PDE10A: variants seen among roughly 807,000 people sequenced by gnomAD.
PDE10A encodes cAMP and cAMP-inhibited cGMP 3',5'-cyclic phosphodiesterase 10A.
In PDE10A, 39 loss-of-function variants were observed where a neutral mutation model predicts 97.7. That is an observed-to-expected ratio of 0.40 (90% confidence interval 0.31 to 0.52). PDE10A has a LOEUF of 0.52. Among genes scored for constraint, PDE10A ranks in the 20% least tolerant of loss-of-function variants. The pLI is 0.56. For missense variants in PDE10A, 731 were observed against 1,047.8 expected (o/e 0.70, Z 4.17); for synonymous variants, 371 against 376.8 (o/e 0.98, Z 0.18).
chr6:165,386,432 G>A (rs1785305880), intron 17 of PDE10A, among the ~76,000 whole-genome samples: 1 of 152,186 alleles, frequency 6.6e-6, no homozygotes, highest in Non-Finnish European at 1.5e-5. Context: ...TAAACTGCTA[G>A]CAATGTTGTA....
intron 1 of PDE10A, among the ~76,000 whole-genome samples, chr6:165,625,584 T>A (rs144424763): frequency 1.7e-3 from 254 of 152,342 alleles, no homozygotes; most frequent in African/African-American, 5.9e-3. Context: ...AATTCCCACC[T>A]GTCATGGGAG....
chr6:165,801,893 G>A (rs544258047), intron 1 of PDE10A, among the ~76,000 whole-genome samples: 36 of 152,294 alleles, frequency 2.4e-4, no homozygotes, highest in Admixed American at 2.2e-3. Context: ...GCTCCCACAG[G>A]AGACCCATTA....
At chr6:165,597,445 G>A (rs1334677985) in intron 1 of PDE10A, among the ~76,000 whole-genome samples, 2 of 152,190 alleles carry the variant, frequency 1.3e-5, no homozygotes, top group South Asian at 2.1e-4. Flanking sequence ...GTCTTTGGCT[G>A]TATTTACACC....
intron 1 of PDE10A, among the ~76,000 whole-genome samples, chr6:165,645,574 C>T (rs1418674163): frequency 1.3e-5 from 2 of 152,138 alleles, no homozygotes; most frequent in African/African-American, 2.4e-5. Flanking sequence ...TACTTCCTGG[C>T]TGGGCGCGGT....
Position 165,356,087 on chromosome 6 carries a change from C to A in PDE10A, c.2784-12585G>T, listed in dbSNP as rs559938735. 5.3e-5 allele frequency among the ~76,000 whole-genome samples: 8 copies of A among 152,164 alleles called. No individual in the cohort carries two copies. The East Asian group carries it at 1.6e-3, about 30-fold the overall frequency. On this transcript the variant is annotated intron_variant, in intron 18 of 21. Coordinates refer to ENST00000539869, the MANE Select transcript of PDE10A (RefSeq NM_001385079.1). ...GAGGTGCCACACACTTTCAAACAACCAGATCTGGGTGAGAATTCATTCACT... is the reference window on the plus strand; with the variant it reads ...GAGGTGCCACACACTTTCAAACAACAAGATCTGGGTGAGAATTCATTCACT...
At chr6:165,735,054 A>T (rs1792536595) in intron 1 of PDE10A, among the ~76,000 whole-genome samples, 1 of 151,684 alleles carries the variant, frequency 6.6e-6, no homozygotes, top group Admixed American at 6.6e-5. Context: ...ATAGGGAGGT[A>T]GACAGATAGG....
chr6:165,823,524 A>ATATATATATATATATATATG lies in PDE10A; in HGVS notation c.-615+164004_-615+164005insCATATATATATATATATATA, dbSNP rs72442429. ...TATATATATATATATATATATATAT[A>ATATATATATATATATATATG]TGAACCTTAATTATAAATATTATAT... is the stretch of plus-strand genomic sequence containing the variant. On this transcript the variant is annotated intron_variant, in intron 1 of 19. Coordinates refer to the PDE10A transcript ENST00000366882. 2.0e-3 allele frequency among the ~76,000 whole-genome samples: 159 copies of ATATATATATATATATATATG among 79,458 alleles called. 19 individuals are homozygous for ATATATATATATATATATATG. The highest frequency in any genetic ancestry group is 3.0e-3 in the Non-Finnish European group (107 of 36,116). 52.1% of individuals were successfully genotyped at this position (79,458 alleles called of 152,430 possible). A position where few individuals can be genotyped will look rare whatever the true frequency, so the allele number is the denominator to read the frequency against.
At chr6:165,351,431 TA>T (rs1008033395) in intron 18 of PDE10A, among the ~76,000 whole-genome samples, 1 of 152,050 alleles carries the variant, frequency 6.6e-6, no homozygotes, top group African/African-American at 2.4e-5. Flanking sequence ...TGAAATTTTT[TA>T]AAAAAAATTA....
intron 1 of PDE10A, among the ~76,000 whole-genome samples, chr6:165,973,428 TA>T (rs199580810): frequency 6.9e-6 from 1 of 144,908 alleles, no homozygotes; most frequent in African/African-American, 2.7e-5. Context: ...AAAAAAAAAA[TA>T]AAATAAAAAA....
intron 1 of PDE10A, chr6:165,660,600 G>T (rs2128431194): frequency 6.6e-6 from 1 of 152,624 alleles, no homozygotes; most frequent in South Asian, 2.1e-4. Context: ...GTGCCTGAGC[G>T]GGCGGTGAGC....
intron 18 of PDE10A, among the ~76,000 whole-genome samples, chr6:165,361,428 A>T (rs910181039): frequency 5.3e-5 from 8 of 152,248 alleles, no homozygotes; most frequent in African/African-American, 1.9e-4. Flanking sequence ...ATTTAAAAAC[A>T]TATTCTCATA....
chr6:165,489,717 A>G (rs941171158), intron 2 of PDE10A, among the ~76,000 whole-genome samples: 2 of 152,204 alleles, frequency 1.3e-5, no homozygotes, highest in Non-Finnish European at 2.9e-5. Flanking sequence ...ATATCAATGG[A>G]AAAATCTCTA....
intron 2 of PDE10A, among the ~76,000 whole-genome samples, chr6:165,540,693 G>A (rs1328015773): frequency 2.6e-5 from 4 of 152,132 alleles, no homozygotes; most frequent in Non-Finnish European, 5.9e-5. Flanking sequence ...GCAGTGGTGC[G>A]ATCTCTGCTC....
At chr6:165,742,567 C>A (rs769964764) in intron 1 of PDE10A, among the ~76,000 whole-genome samples, 4 of 152,102 alleles carry the variant, frequency 2.6e-5, no homozygotes, top group Non-Finnish European at 5.9e-5. Context: ...GGCAGGTGGG[C>A]TCGGGTCACT....
intron 15 of PDE10A, among the ~76,000 whole-genome samples, chr6:165,393,171 AG>A (rs1785852109): frequency 6.6e-6 from 1 of 152,172 alleles, no homozygotes; most frequent in Non-Finnish European, 1.5e-5. Context: ...ATCTTGCTAA[AG>A]GGTATTTTGA....
intron 1 of PDE10A, among the ~76,000 whole-genome samples, chr6:165,619,359 CTAGTGTAGTGTGGTGTAG>C (rs1787934737): frequency 1.1e-4 from 2 of 18,394 alleles, no homozygotes; most frequent in Non-Finnish European, 2.2e-4. Context: ...GTAGTGTAGT[CTAGTGTAGTGTGGTGTAG>C]TGTAGTCTAG....
chr6:165,743,988 G>A (rs757582655), intron 1 of PDE10A, among the ~76,000 whole-genome samples: 2 of 152,150 alleles, frequency 1.3e-5, no homozygotes, highest in Admixed American at 6.5e-5. Context: ...GTACTTAAGC[G>A]GAGAGTGACT....
intron 2 of PDE10A, among the ~76,000 whole-genome samples, chr6:165,515,147 A>G (rs1442314407): frequency 6.6e-6 from 1 of 152,148 alleles, no homozygotes; most frequent in Non-Finnish European, 1.5e-5. Flanking sequence ...AGGAGTGAAC[A>G]CTATATTTTT....
At chr6:165,604,000 A>G (rs187138996) in intron 1 of PDE10A, among the ~76,000 whole-genome samples, 36 of 152,362 alleles carry the variant, frequency 2.4e-4, no homozygotes, top group Admixed American at 4.6e-4. Flanking sequence ...ACACATAGAA[A>G]GTGTAACAAT....
Sources: gnomAD v4.1 joint callset for allele counts (sites outside exome capture counted in the v4.1 genomes callset) on GRCh38, gnomAD v4.1.1 for gene constraint, MANE v1.5 for transcripts, NCBI Gene and HGNC (gene_info 2026-07-23, HGNC 2026-07-21) for gene names.